Variants in LMNTD1 observed in about 807,000 individuals in gnomAD.
LMNTD1 encodes the protein lamin tail domain containing 1, also known as lamin tail domain-containing protein 1.
LMNTD1 carries 35 observed loss-of-function variants against 50.9 expected under a neutral mutation model. The observed-to-expected ratio is 0.69, with a 90% CI of 0.53 to 0.91. The LOEUF is 0.91. Among genes scored for constraint, LMNTD1 ranks in the 40% least tolerant of loss-of-function variants. The probability of loss-of-function intolerance (pLI) is 0.00; values close to 1 mark genes in which losing one functional copy is unlikely to be tolerated. For missense variants in LMNTD1, 470 were observed against 475.5 expected, an observed-to-expected ratio of 0.99 and a Z score of 0.11; for synonymous variants, 153 against 161.9, an observed-to-expected ratio of 0.94 and a Z score of 0.42.
At chr12:25,643,201 C>A (rs1314957872) in intron 1 of LMNTD1, among the ~76,000 whole-genome samples, 6 of 152,136 alleles carry the variant, frequency 3.9e-5, no homozygotes, top group Non-Finnish European at 8.8e-5. Flanking sequence ...CTTACATTAT[C>A]ATTTATGATT....
rs148807125 is a variant in LMNTD1, at chr12:25,619,053, C to T, written c.58+29441G>A. On this transcript the variant is annotated intron_variant, in intron 1 of 7. Transcript: ENST00000445693. ...TATAATATGCTTCAATTTATTTACT[C>T]ATTTCCCCATTCAGTGACATTTAGA... Among the ~76,000 whole-genome samples the T allele has an allele frequency of 7.9e-3, 1,197 of 152,238 alleles. 5 individuals are homozygous for T. Among genetic ancestry groups the T allele is most frequent in the Non-Finnish European group, 0.011 (760 of 68,010 alleles).
At position 25,583,622 on chromosome 12, in the gene LMNTD1, G is replaced by A. The variant is rs145076312; in HGVS notation, c.59-37068C>T. ...GATTCAATTCTAATATTTTGTCCTTGTAATCTTGTACCTGGGTTAATGCAC... is the reference window on the plus strand; with the variant it reads ...GATTCAATTCTAATATTTTGTCCTTATAATCTTGTACCTGGGTTAATGCAC... On this transcript the variant is annotated intron_variant, in intron 1 of 7. Coordinates refer to the LMNTD1 transcript ENST00000445693. 3.4e-3 allele frequency among the ~76,000 whole-genome samples: 517 copies of A among 152,198 alleles called. 5 individuals carry two copies. The highest frequency in any genetic ancestry group is 0.012 in the African/African-American group (507 of 41,532).
chr12:25,621,642 A>G (rs1268642185), intron 1 of LMNTD1, among the ~76,000 whole-genome samples: 2 of 151,992 alleles, frequency 1.3e-5, no homozygotes, highest in Non-Finnish European at 1.5e-5. Flanking sequence ...CTGTTCCCCT[A>G]TTTTTCCTTT....
chr12:25,605,096 C>A lies in LMNTD1; in HGVS notation c.58+43398G>T, dbSNP rs558349850. On this transcript the variant is annotated intron_variant, in intron 1 of 7. Transcript: ENST00000445693. ...TTTTGATTTGCATTTCTCTGATGGCCAGTGATGATGAGCATTTTTTCATGT... is the reference window on the plus strand; with the variant it reads ...TTTTGATTTGCATTTCTCTGATGGCAAGTGATGATGAGCATTTTTTCATGT... Among the ~76,000 whole-genome samples, 9 of 152,242 alleles carry A rather than the reference C, an allele frequency of 5.9e-5. No homozygotes were observed. In the East Asian group the frequency reaches 1.5e-3, roughly 26 times the overall value.
At chr12:25,532,782 G>T (rs1591933631) in intron 4 of LMNTD1, among the ~76,000 whole-genome samples, 1 of 151,978 alleles carries the variant, frequency 6.6e-6, no homozygotes, top group African/African-American at 2.4e-5. Flanking sequence ...TTTGGATGTA[G>T]CATTTTACTC....
At chr12:25,506,951 C>T (rs1394994501) in intron 8 of LMNTD1, among the ~76,000 whole-genome samples, 2 of 151,980 alleles carry the variant, frequency 1.3e-5, no homozygotes, top group African/African-American at 4.8e-5. Context: ...GCGATCTTGG[C>T]TCACTGCAAC....
At chr12:25,559,420 C>A (rs1161698408) in intron 1 of LMNTD1, among the ~76,000 whole-genome samples, 1 of 152,180 alleles carries the variant, frequency 6.6e-6, no homozygotes, top group Admixed American at 6.5e-5. Context: ...GTATATGTGA[C>A]ACATTTTCTT....
chr12:25,519,913 G>A lies in LMNTD1; in HGVS notation c.961C>T (p.Pro321Ser), dbSNP rs1941156739. 2 of 1,612,544 alleles carry A rather than the reference G, an allele frequency of 1.2e-6. No homozygotes were observed. Among genetic ancestry groups the A allele is most frequent in the Non-Finnish European group, 1.7e-6 (2 of 1,179,448 alleles). ...TGATAATTTGAGATATCTTTCTTAGGTTGATCTTGTTTTTCTTTAGTTATT... is the reference window on the plus strand; with the variant it reads ...TGATAATTTGAGATATCTTTCTTAGATTGATCTTGTTTTTCTTTAGTTATT... Reference protein sequence around the residue: ...ATITKEKQDQPKKDISNYQVE... With the variant: ...ATITKEKQDQSKKDISNYQVE... The change falls in exon 7 of 10, where the codon CCT becomes TCT. Residue 321 changes from proline to serine, a missense_variant. Transcript: ENST00000458174.
At chr12:25,544,465 G>A (rs76191487) in intron 4 of LMNTD1, among the ~76,000 whole-genome samples, 4,869 of 151,516 alleles carry the variant, frequency 0.032, 293 homozygotes, top group African/African-American at 0.11. Flanking sequence ...AGGTGAAGTG[G>A]GTTTCTTCTA....
chr12:25,488,151 C>T (rs1256204272), intron 9 of LMNTD1, among the ~76,000 whole-genome samples: 1 of 144,990 alleles, frequency 6.9e-6, no homozygotes, highest in African/African-American at 2.5e-5. Context: ...GTGGCATTCT[C>T]TGTATTTCCT....
chr12:25,573,769 T>C (rs549600654), intron 1 of LMNTD1, among the ~76,000 whole-genome samples: 6 of 152,254 alleles, frequency 3.9e-5, no homozygotes, highest in African/African-American at 1.4e-4. Context: ...CTTTCACTTT[T>C]TTCATCAGGC....
rs115832088 is a variant in LMNTD1 at position 25,507,882 on chromosome 12, A to G, written c.1190-4082T>C. Among the ~76,000 whole-genome samples, 555 of 152,326 alleles carry G rather than the reference A, an allele frequency of 3.6e-3. 3 individuals carry two copies. The highest frequency in any genetic ancestry group is 0.013 in the African/African-American group (540 of 41,560). ...TCTGGAAATGACTGAGCTATGACAA[A>G]CTATATTAAAATTAATTCCCAAGAC... On this transcript the variant is annotated intron_variant, in intron 8 of 9. Transcript: ENST00000458174.
At chr12:25,568,825 C>T (rs1200624606) in intron 1 of LMNTD1, among the ~76,000 whole-genome samples, 1 of 152,248 alleles carries the variant, frequency 6.6e-6, no homozygotes, top group Non-Finnish European at 1.5e-5. Context: ...GTAAAGGAGG[C>T]TTGGCAAATT....
At chr12:25,612,954 C>A (rs1446339968) in intron 1 of LMNTD1, among the ~76,000 whole-genome samples, 1 of 152,090 alleles carries the variant, frequency 6.6e-6, no homozygotes, top group Non-Finnish European at 1.5e-5. Flanking sequence ...AGAGGGAGAT[C>A]TGCTAGAAGA....
At position 25,479,652 on chromosome 12, in the gene LMNTD1, T is replaced by C. The variant is rs192355827; in HGVS notation, c.*23-3192A>G. Among the ~76,000 whole-genome samples the C allele has an allele frequency of 2.0e-5, 3 of 152,322 alleles. No homozygotes were observed. The East Asian group carries it at 5.8e-4, about 29-fold the overall frequency. ...AGAGGCAATGCTGTGTGGAATACCA[T>C]GACGGTGGATAAGGCCTTCCAATGA... On this transcript the variant is annotated intron_variant, in intron 9 of 9. Coordinates refer to ENST00000458174, the MANE Select transcript of LMNTD1 (RefSeq NM_001145728.2).
chr12:25,483,317 G>T (rs772618822), intron 9 of LMNTD1, among the ~76,000 whole-genome samples: 6 of 151,528 alleles, frequency 4.0e-5, no homozygotes, highest in Non-Finnish European at 7.4e-5. Context: ...CCAGCTACTC[G>T]GGAGGCTGAG....
intron 1 of LMNTD1, among the ~76,000 whole-genome samples, chr12:25,589,905 C>T (rs1945646069): frequency 6.6e-6 from 1 of 151,952 alleles, no homozygotes; most frequent in Non-Finnish European, 1.5e-5. Context: ...CTTGAAGTAG[C>T]CACCACCTGT....
Position 25,518,859 on chromosome 12 carries a change from G to A in LMNTD1, c.1125C>T (p.Ser375=). The A allele has an allele frequency of 6.2e-7, 1 of 1,614,108 alleles. No homozygotes were observed. Among genetic ancestry groups the A allele is most frequent in the Non-Finnish European group, 8.5e-7 (1 of 1,180,010 alleles). The change falls in exon 8 of 10, where the codon TCC becomes TCT. Residue 375 remains serine, a synonymous_variant. Coordinates refer to ENST00000458174, the MANE Select transcript of LMNTD1 (RefSeq NM_001145728.2). ...GTCTATCCAATCTGCCTCCAGCGGTGGATGTATTGTGTGGTTCAATCAGAG... is the reference window on the plus strand; with the variant it reads ...GTCTATCCAATCTGCCTCCAGCGGTAGATGTATTGTGTGGTTCAATCAGAG... ...YCPLIEPHNT[S]TAGGRLDRQP...
At chr12:25,581,272 G>A (rs373142726) in intron 1 of LMNTD1, among the ~76,000 whole-genome samples, 1 of 152,162 alleles carries the variant, frequency 6.6e-6, no homozygotes, top group Non-Finnish European at 1.5e-5. Flanking sequence ...CAGAACTACT[G>A]TTGTTTTATC....
Sources: gnomAD v4.1 joint callset for allele counts (sites outside exome capture counted in the v4.1 genomes callset) on GRCh38, gnomAD v4.1.1 for gene constraint, MANE v1.5 for transcripts, NCBI Gene and HGNC (gene_info 2026-07-23, HGNC 2026-07-21) for gene names.